CRAMP1: variants seen among roughly 807,000 people sequenced by gnomAD.
CRAMP1 encodes the protein cramped chromatin regulator 1, also known as protein cramped-like.
In CRAMP1, 50 loss-of-function variants were observed where a neutral mutation model predicts 115.4. The ratio of observed to expected loss-of-function variants is 0.43; its 90% CI spans 0.35 to 0.55. The LOEUF is 0.55. Ranked by LOEUF, CRAMP1 falls within the 20% of genes least tolerant of loss-of-function variation. The pLI is 0.01. For synonymous variants in CRAMP1, 866 were observed against 745.4 expected, an observed-to-expected ratio of 1.16 and a Z score of -2.64; for missense variants, 1,679 against 1,721.7, an observed-to-expected ratio of 0.98 and a Z score of 0.44.
chr16:1,618,456 C>T (rs937788514), intron 2 of CRAMP1, among the ~76,000 whole-genome samples: 10 of 152,202 alleles, frequency 6.6e-5, no homozygotes, highest in Admixed American at 1.3e-4. Flanking sequence ...AGTAGAAGTC[C>T]GGGAATGCTG....
intron 2 of CRAMP1, among the ~76,000 whole-genome samples, chr16:1,625,337 A>G (rs951654249): frequency 2.6e-5 from 4 of 152,234 alleles, no homozygotes; most frequent in African/African-American, 9.6e-5. Flanking sequence ...CCTTGGTCTC[A>G]GAGGACTTGG....
intron 13 of CRAMP1, 121 bp downstream of exon 13, chr16:1,662,956 C>T (rs1483175512): frequency 1.1e-5 from 8 of 711,112 alleles, no homozygotes; most frequent in South Asian, 3.6e-5. Context: ...CCCTTCCTTC[C>T]CTCTTGTGAG....
rs970311309 is a variant in CRAMP1, at chr16:1,656,949, G to C, written c.2192G>C (p.Ser731Thr). 6.4e-7 allele frequency: 1 copy of C among 1,559,062 alleles called. No homozygotes were observed. Among genetic ancestry groups the C allele is most frequent in the African/African-American group, 1.4e-5 (1 of 73,510 alleles). ...PTALHKQRLL[S>T]CLLKLISTEV... ...GCCCTCCACAAGCAGCGCCTCCTCA[G>C]CTGCCTCCTGAAGCTCATTTCCACC... is the stretch of plus-strand genomic sequence containing the variant. The change falls in exon 10 of 21, where the codon AGC becomes ACC. Residue 731 changes from serine (S) to threonine (T), a missense_variant. Transcript: ENST00000397412. The surrounding 1 kb of genome is among the most constrained non-coding windows in gnomAD (Gnocchi z 5.6).
intron 2 of CRAMP1, among the ~76,000 whole-genome samples, chr16:1,615,341 G>A (rs113440386): frequency 6.6e-6 from 1 of 152,354 alleles, no homozygotes; most frequent in African/African-American, 2.4e-5. Flanking sequence ...AATACCTGCT[G>A]TATCTCTTTC....
intron 11 of CRAMP1, among the ~76,000 whole-genome samples, chr16:1,662,023 G>C (rs193004796): frequency 6.6e-6 from 1 of 152,284 alleles, no homozygotes; most frequent in African/African-American, 2.4e-5. Context: ...AGTTTTATTG[G>C]CACACAGCCA....
At chr16:1,644,173 T>C (rs936219410) in intron 6 of CRAMP1, among the ~76,000 whole-genome samples, 4 of 152,190 alleles carry the variant, frequency 2.6e-5, no homozygotes, top group African/African-American at 9.7e-5. Context: ...GAGCCTGCGC[T>C]AAGGGACTTG....
intron 2 of CRAMP1, among the ~76,000 whole-genome samples, chr16:1,618,042 T>C (rs1193254709): frequency 1.3e-5 from 2 of 152,232 alleles, no homozygotes; most frequent in Non-Finnish European, 2.9e-5. Flanking sequence ...TGGGACGCAC[T>C]GGAGATTTCG....
At chr16:1,622,249 A>G (rs2036471205) in intron 2 of CRAMP1, among the ~76,000 whole-genome samples, 1 of 152,254 alleles carries the variant, frequency 6.6e-6, no homozygotes, top group African/African-American at 2.4e-5. Flanking sequence ...GCAGTGGCCC[A>G]TGCCTGTAAC....
In CRAMP1 at chr16:1,656,390, T is replaced by G. The variant is rs1206981167; in HGVS notation, c.1633T>G (p.Cys545Gly). Reference sequence around the variant, plus strand: ...GGAGCCAGGGGCCTTGCCGTGTGCCTGTGGCCAGCTCCCAGACCTGGAGGA... The same window carrying G: ...GGAGCCAGGGGCCTTGCCGTGTGCCGGTGGCCAGCTCCCAGACCTGGAGGA... ...TREPGALPCACGQLPDLEDEL... is the reference protein window; with the variant it reads ...TREPGALPCAGGQLPDLEDEL... Residue 545 changes from cysteine to glycine, a missense_variant, in exon 10 of 21, where the codon TGT becomes GGT. This residue lies in a region of CRAMP1 where 405 missense variants were observed against 302.6 expected (regional missense o/e 1.34). Transcript: ENST00000397412. This position sits in a 1 kb window ranked among gnomAD's most constrained non-coding sequence, Gnocchi z 5.6. 3.1e-6 allele frequency: 5 copies of G among 1,594,220 alleles called. No homozygotes were observed. The highest frequency in any genetic ancestry group is 4.3e-6 in the Non-Finnish European group (5 of 1,170,478).
intron 2 of CRAMP1, among the ~76,000 whole-genome samples, chr16:1,617,699 T>C (rs1187049428): frequency 3.9e-5 from 6 of 152,238 alleles, no homozygotes; most frequent in Non-Finnish European, 1.5e-5. Flanking sequence ...AAAGGACTTG[T>C]GGAGAAAAGG....
chr16:1,626,420 C>G (rs1159844763), intron 3 of CRAMP1, among the ~76,000 whole-genome samples: 1 of 152,182 alleles, frequency 6.6e-6, no homozygotes, highest in Non-Finnish European at 1.5e-5. Context: ...TCCTTCATTT[C>G]CTTTTGGATA....
chr16:1,655,461 T>C (rs1237560458), intron 9 of CRAMP1, among the ~76,000 whole-genome samples, 161 bp downstream of exon 9: 3 of 152,188 alleles, frequency 2.0e-5, no homozygotes, highest in Non-Finnish European at 4.4e-5. Flanking sequence ...GAGCCCCTTA[T>C]TCCCTGGGTG....
intron 6 of CRAMP1, among the ~76,000 whole-genome samples, chr16:1,645,699 A>G (rs2036668770): frequency 6.6e-6 from 1 of 151,944 alleles, no homozygotes; most frequent in African/African-American, 2.4e-5. Context: ...GTGCCCCCAG[A>G]AGCCACTGGT....
chr16:1,634,965 C>G (rs12598572), intron 4 of CRAMP1, among the ~76,000 whole-genome samples: 2 of 152,214 alleles, frequency 1.3e-5, no homozygotes, highest in African/African-American at 2.4e-5. Flanking sequence ...ATGGCGCACT[C>G]TCAGCTCACT....
chr16:1,640,390 G>A (rs1004868572), intron 5 of CRAMP1, among the ~76,000 whole-genome samples: 23 of 152,108 alleles, frequency 1.5e-4, no homozygotes, highest in Admixed American at 3.3e-4. Context: ...TCATTCCTCC[G>A]TGCGAGGTGC....
intron 2 of CRAMP1, chr16:1,625,507 C>T (rs1183772154): frequency 6.5e-6 from 1 of 154,946 alleles, no homozygotes; most frequent in Non-Finnish European, 1.4e-5. Flanking sequence ...CTGATTTTAT[C>T]TAAAAGAAGG....
intron 7 of CRAMP1, 125 bp from the exon 8 acceptor site, chr16:1,652,908 C>T: frequency 8.5e-7 from 1 of 1,180,016 alleles, no homozygotes; most frequent in East Asian, 2.5e-5. Flanking sequence ...TTTCTCTGCT[C>T]TCCTTGCCTC....
In CRAMP1 at chr16:1,671,190, G is replaced by A. The variant is rs533656240; in HGVS notation, c.3645+381G>A. On this transcript the variant is annotated intron_variant, in intron 20 of 20. Transcript: ENST00000397412. This position sits in a 1 kb window ranked among gnomAD's most constrained non-coding sequence, Gnocchi z 5.0. ...TGTGGAGGGAGGAGTAAGGGGTGGTGGCAGCAGTTGTGTTGTCAGTGCTCC... is the reference window on the plus strand; with the variant it reads ...TGTGGAGGGAGGAGTAAGGGGTGGTAGCAGCAGTTGTGTTGTCAGTGCTCC... 6.6e-6 allele frequency among the ~76,000 whole-genome samples: 1 copy of A among 152,238 alleles called. No homozygotes were observed. The highest frequency in any genetic ancestry group is 2.1e-4 in the South Asian group (1 of 4,820).
intron 2 of CRAMP1, 163 bp from the exon 3 acceptor site, chr16:1,625,810 C>T: frequency 1.6e-6 from 1 of 614,052 alleles, no homozygotes; most frequent in Non-Finnish European, 2.8e-6. Context: ...CCTAAGCAGC[C>T]TCGCTGGTGC....
Sources: gnomAD v4.1 joint callset for allele counts (sites outside exome capture counted in the v4.1 genomes callset) on GRCh38, gnomAD v4.1.1 for gene constraint, gnomAD v4.1.1 regional missense constraint, Gnocchi (gnomAD v3.1) non-coding constraint, MANE v1.5 for transcripts, NCBI Gene and HGNC (gene_info 2026-07-23, HGNC 2026-07-21) for gene names.